The following NPSR1 variants were observed in gnomAD, a reference collection of about 807,000 sequenced individuals.
NPSR1 encodes neuropeptide S receptor 1, also known as neuropeptide S receptor.
In NPSR1, 48 loss-of-function variants were observed where a neutral mutation model predicts 46.9. The observed-to-expected ratio is 1.02, with a 90% CI of 0.81 to 1.30. NPSR1 has a LOEUF of 1.30. NPSR1 is among the 50% of genes most tolerant of loss of function. NPSR1 has a pLI of 0.00. For synonymous variants in NPSR1, 176 were observed against 168.1 expected (o/e 1.05, Z -0.36); for missense variants, 450 against 449.5 (o/e 1.00, Z -0.01).
chr7:34,832,629 T>G (rs930826363), intron 5 of NPSR1, among the ~76,000 whole-genome samples: 6 of 152,224 alleles, frequency 3.9e-5, no homozygotes, highest in Non-Finnish European at 7.3e-5. Flanking sequence ...TTCGCCATGC[T>G]AACAGAAAAG....
intron 2 of NPSR1, among the ~76,000 whole-genome samples, chr7:34,772,959 A>T (rs1377923145): frequency 6.6e-6 from 1 of 152,172 alleles, no homozygotes; most frequent in Non-Finnish European, 1.5e-5. Context: ...CCCTGGTGGC[A>T]GCCATAGCTT....
Position 34,842,814 on chromosome 7 carries a change from C to T in NPSR1, c.758-2082C>T, listed in dbSNP as rs532086093. ...AACACTCAGAAACTTCAATGGCCTG[C>T]GGCCGCCTCAGGAGTTCAGCCCAAG... On this transcript the variant is annotated intron_variant, in intron 6 of 8. Coordinates refer to ENST00000360581, the MANE Select transcript of NPSR1 (RefSeq NM_207172.2). 1.2e-4 allele frequency among the ~76,000 whole-genome samples: 18 copies of T among 152,250 alleles called. No individual in the cohort carries two copies. The East Asian group carries it at 2.1e-3, about 18-fold the overall frequency.
At chr7:34,699,902 A>T (rs1793732255) in intron 2 of NPSR1, among the ~76,000 whole-genome samples, 1 of 152,128 alleles carries the variant, frequency 6.6e-6, no homozygotes, top group Admixed American at 6.5e-5. Flanking sequence ...GGAGCTTCAT[A>T]TGTCTTGCTA....
At chr7:34,697,261 T>C (rs1793577838) in intron 2 of NPSR1, among the ~76,000 whole-genome samples, 1 of 151,924 alleles carries the variant, frequency 6.6e-6, no homozygotes, top group Admixed American at 6.6e-5. Context: ...GTTAAAGATG[T>C]TAAAGTCCTT....
At chr7:34,846,081 G>A (rs1305938176) in intron 7 of NPSR1, among the ~76,000 whole-genome samples, 2 of 152,140 alleles carry the variant, frequency 1.3e-5, no homozygotes, top group Non-Finnish European at 2.9e-5. Flanking sequence ...GCGGAACTGG[G>A]ATAAAACATA....
chr7:34,814,165 C>G (rs1468473587), intron 4 of NPSR1, among the ~76,000 whole-genome samples: 1 of 152,220 alleles, frequency 6.6e-6, no homozygotes, highest in Non-Finnish European at 1.5e-5. Context: ...CCAAGGGAAG[C>G]TGGGGCACAC....
In NPSR1 at chr7:34,752,026, G is replaced by A. The variant is rs573856026; in HGVS notation, c.281-26436G>A. ...GCATGGCACACCTGCTGGGCCAGCC[G>A]GTAGTCCTGTGGAAACTTCGGAAGA... On this transcript the variant is annotated intron_variant, in intron 2 of 8. Transcript: ENST00000360581. 257 of 747,040 alleles carry A rather than the reference G, an allele frequency of 3.4e-4. 1 individual carries two copies. The highest frequency in any genetic ancestry group is 6.2e-4 in the Admixed American group (32 of 51,638). 46.3% of individuals were successfully genotyped at this position (747,040 alleles called of 1,614,324 possible).
intron 6 of NPSR1, among the ~76,000 whole-genome samples, chr7:34,842,287 C>T (rs1183483877): frequency 6.6e-6 from 1 of 152,158 alleles, no homozygotes; most frequent in South Asian, 2.1e-4. Context: ...GGATGCATTC[C>T]AGTCTGATCT....
intron 2 of NPSR1, among the ~76,000 whole-genome samples, chr7:34,708,770 A>G (rs1794233672): frequency 6.6e-6 from 1 of 152,204 alleles, no homozygotes; most frequent in Admixed American, 6.5e-5. Flanking sequence ...ATGAAGTTAT[A>G]CATTTAGCCT....
chr7:34,776,334 T>C (rs1031825637), intron 2 of NPSR1, among the ~76,000 whole-genome samples: 1 of 152,158 alleles, frequency 6.6e-6, no homozygotes, highest in Non-Finnish European at 1.5e-5. Context: ...GGGGTCTATA[T>C]CTCTCTTTAG....
At chr7:34,850,939 T>C (rs1190492224), downstream of NPSR1, among the ~76,000 whole-genome samples, 1 of 152,192 alleles carries the variant, frequency 6.6e-6, no homozygotes, top group African/African-American at 2.4e-5. Context: ...GGGGCTTATT[T>C]TGACAGATCT....
chr7:34,757,615 T>C (rs540643750), intron 2 of NPSR1, among the ~76,000 whole-genome samples: 3 of 152,330 alleles, frequency 2.0e-5, no homozygotes, highest in Admixed American at 2.0e-4. Flanking sequence ...GTTCTGGCTC[T>C]GAAGCCCAGC....
intron 2 of NPSR1, among the ~76,000 whole-genome samples, chr7:34,706,073 T>C (rs1794091429): frequency 1.3e-5 from 2 of 152,116 alleles, no homozygotes; most frequent in South Asian, 2.1e-4. Context: ...CCATAGATGT[T>C]GCTCCATTTA....
chr7:34,756,974 T>C (rs951007504), intron 2 of NPSR1, among the ~76,000 whole-genome samples: 2 of 152,212 alleles, frequency 1.3e-5, no homozygotes, highest in Admixed American at 6.5e-5. Flanking sequence ...CTTCTTCAGA[T>C]AGTTACGATG....
rs148514906 is a variant in NPSR1 at position 34,749,571 on chromosome 7, C to G, written c.281-28891C>G. ...GGCAAACAATGGATTCAGATAATGA[C>G]TATATCATAGGCCAAGCCCAATTAC... On this transcript the variant is annotated intron_variant, in intron 2 of 8. Transcript: ENST00000360581. Among the ~76,000 whole-genome samples the G allele has an allele frequency of 1.2e-3, 181 of 152,318 alleles. 1 individual carries two copies. The highest frequency in any genetic ancestry group is 4.2e-3 in the African/African-American group (174 of 41,564).
At chr7:34,813,260 C>T (rs1461809330) in intron 4 of NPSR1, among the ~76,000 whole-genome samples, 2 of 152,132 alleles carry the variant, frequency 1.3e-5, no homozygotes, top group East Asian at 3.8e-4. Context: ...AGGTGTCATT[C>T]ATGATTCTAA....
chr7:34,749,421 T>C (rs1353622533), intron 2 of NPSR1, among the ~76,000 whole-genome samples: 2 of 152,228 alleles, frequency 1.3e-5, no homozygotes, highest in Admixed American at 1.3e-4. Context: ...TGGGAGCCTA[T>C]AATGTTCCAA....
chr7:34,752,051 A>G lies in NPSR1; in HGVS notation c.281-26411A>G, dbSNP rs35247826. On this transcript the variant is annotated intron_variant, in intron 2 of 8. Coordinates refer to ENST00000360581, the MANE Select transcript of NPSR1 (RefSeq NM_207172.2). ...GGTAGTCCTGTGGAAACTTCGGAAG[A>G]GAGTTTTATTTTCTGCAACCGGTGA... 3.5e-3 allele frequency: 2,385 copies of G among 677,524 alleles called. 46 individuals carry two copies. In the African/African-American group the frequency reaches 0.038, roughly 11 times the overall value. 42.0% of individuals were successfully genotyped at this position (677,524 alleles called of 1,614,324 possible).
At chr7:34,749,706 C>A (rs959358746) in intron 2 of NPSR1, among the ~76,000 whole-genome samples, 1 of 152,162 alleles carries the variant, frequency 6.6e-6, no homozygotes, top group Non-Finnish European at 1.5e-5. Flanking sequence ...CACAGCTTGG[C>A]CCTGATTATT....
Sources: allele counts gnomAD v4.1 joint callset (sites outside exome capture counted in the v4.1 genomes callset), GRCh38; gene constraint gnomAD v4.1.1; transcripts MANE v1.5; gene names NCBI Gene and HGNC (gene_info 2026-07-23, HGNC 2026-07-21).